The following TAF6 variants were observed in gnomAD, a reference collection of about 807,000 sequenced individuals.
TAF6 encodes the protein TATA-box binding protein associated factor 6.
A neutral mutation model predicts 73.5 loss-of-function variants in TAF6; 50 were observed. That is an observed-to-expected ratio of 0.68 (90% CI 0.54 to 0.86). TAF6 has a LOEUF of 0.86. Ranked by LOEUF, TAF6 falls within the 40% of genes least tolerant of loss-of-function variation. The pLI is 0.00. For synonymous variants in TAF6, 424 were observed against 376.7 expected (o/e 1.13, Z -1.45); for missense variants, 768 against 899.5 (o/e 0.85, Z 1.87).
rs1467702767 is a variant in TAF6, at chr7:100,112,881, G to T, written c.491C>A (p.Pro164His). 1 of 1,613,800 alleles carries T rather than the reference G, an allele frequency of 6.2e-7. No individual in the cohort carries two copies. Among genetic ancestry groups the T allele is most frequent in the East Asian group, 2.2e-5 (1 of 44,860 alleles). Reference protein sequence around the residue: ...KEQQKAEATEPLKSAKPGQEE... With the variant: ...KEQQKAEATEHLKSAKPGQEE... ...CTGGCCTGGCTTGGCTGACTTCAGGGGTTCTGTGGCTTCAGCCTTCTGTTG... is the reference window on the plus strand; with the variant it reads ...CTGGCCTGGCTTGGCTGACTTCAGGTGTTCTGTGGCTTCAGCCTTCTGTTG... The change falls in exon 6 of 15, where the codon CCC becomes CAC. Residue 164 changes from proline to histidine, a missense_variant. Coordinates refer to ENST00000453269, the MANE Select transcript of TAF6 (RefSeq NM_139315.3).
At chr7:100,113,169 G>A (rs1016984799) in intron 5 of TAF6, among the ~76,000 whole-genome samples, 180 bp downstream of exon 5, 2 of 152,256 alleles carry the variant, frequency 1.3e-5, no homozygotes, top group South Asian at 2.1e-4. Context: ...AGGAGGCTGA[G>A]ACACAAGAAT....
intron 1 of TAF6, 122 bp from the exon 2 acceptor site, chr7:100,114,390 A>C: frequency 1.0e-6 from 1 of 1,000,810 alleles, no homozygotes; most frequent in Non-Finnish European, 1.5e-6. Context: ...TCCCCACGTG[A>C]GTCAGCCCTG....
At position 100,107,269 on chromosome 7, in the gene TAF6, C is replaced by T. The variant is rs146348021; in HGVS notation, c.2011G>A (p.Gly671Ser). The T allele has an allele frequency of 4.1e-3, 6,201 of 1,523,096 alleles. 21 individuals carry two copies. Among genetic ancestry groups the T allele is most frequent in the Middle Eastern group, 0.013 (59 of 4,710 alleles). 94.3% of individuals were successfully genotyped at this position (1,523,096 alleles called of 1,614,324 possible). A position where few individuals can be genotyped will look rare whatever the true frequency, so the allele number is the denominator to read the frequency against. ...CATCACGGAGCAGGCTGAGGGGAGC[C>T]GGAGTTGGGCTGGGAGCCATTGGCT... ...PKANGSQPNS[G>S]SPQPAP Residue 671 changes from glycine (G) to serine (S), a missense_variant, in exon 15 of 15, where the codon GGC becomes AGC. Gly to Ser is a moderately conservative substitution (Grantham distance 56). Around this residue, in one of 5 missense-constraint regions of TAF6, gnomAD observed 350 missense variants for 352.3 expected, o/e 0.99. Transcript: ENST00000453269.
chr7:100,119,193 A>T lies in TAF6; in HGVS notation c.-60+11T>A. ...ACACGGGGTCCCCACGAGCACAGACACACAACCAACCGTCCTCTTTCCAGT... is the reference window on the plus strand; with the variant it reads ...ACACGGGGTCCCCACGAGCACAGACTCACAACCAACCGTCCTCTTTCCAGT... On this transcript the variant is annotated intron_variant, in intron 1 of 14. Coordinates refer to ENST00000453269, the MANE Select transcript of TAF6 (RefSeq NM_139315.3). 1 of 989,994 alleles carries T rather than the reference A, an allele frequency of 1.0e-6. No homozygotes were observed. The highest frequency in any genetic ancestry group is 1.2e-6 in the Non-Finnish European group (1 of 832,386). The allele number at this position is 989,994 out of a possible 1,614,324, so 61.3% of individuals were successfully genotyped here. A position where few individuals can be genotyped will look rare whatever the true frequency, so the allele number is the denominator to read the frequency against.
rs1265325000 is a variant in TAF6 at position 100,107,478 on chromosome 7, C to G, written c.1802G>C (p.Gly601Ala). ...APPSTAPSGP[G>A]SVQKYIVVSL... ...GACCACGATGTACTTCTGGACACTC[C>G]CAGGACCAGAGGGAGCAGTGCTGGG... Residue 601 changes from glycine to alanine, a missense_variant, in exon 15 of 15, where the codon GGG (glycine) becomes GCG (alanine). Transcript: ENST00000453269. 1 of 1,613,968 alleles carries G rather than the reference C, an allele frequency of 6.2e-7. No homozygotes were observed. Among genetic ancestry groups the G allele is most frequent in the Non-Finnish European group, 8.5e-7 (1 of 1,179,932 alleles).
At chr7:100,109,345 AAAAG>A (rs968993443) in intron 12 of TAF6, among the ~76,000 whole-genome samples, 5 of 152,002 alleles carry the variant, frequency 3.3e-5, no homozygotes, top group African/African-American at 4.8e-5. Context: ...AAAGAAAAGA[AAAAG>A]AAAACATGGG....
the TAF6 span, chr7:100,124,893 T>C: frequency 3.2e-6 from 5 of 1,579,852 alleles, no homozygotes; most frequent in African/African-American, 6.8e-5. Flanking sequence ...CTTTGACCCT[T>C]GCCTTTGAGC....
chr7:100,113,442 C>G (rs138856474), intron 4 of TAF6, 37 bp from the exon 5 acceptor site: 2 of 1,550,868 alleles, frequency 1.3e-6, no homozygotes, highest in East Asian at 4.5e-5. Flanking sequence ...AATTGCCACG[C>G]ATGGACATTG....
intron 4 of TAF6, 85 bp from the exon 5 acceptor site, chr7:100,113,490 C>T (rs1776581351): frequency 6.5e-7 from 1 of 1,533,028 alleles, no homozygotes. Flanking sequence ...GTTTCCACTC[C>T]TGCTCCCCTT....
At chr7:100,122,752 G>C, upstream of TAF6, 1 of 1,602,050 alleles carries the variant, frequency 6.2e-7, no homozygotes, top group Non-Finnish European at 8.5e-7. Flanking sequence ...GGGGTGGTGA[G>C]CTGGGCTGAT....
chr7:100,121,112 ATATATTTTTTTTTTTTTTTTTT>A (rs1376803491), upstream of TAF6: 3 of 30,716 alleles, frequency 9.8e-5, no homozygotes, highest in Non-Finnish European at 1.8e-4. Context: ...ATATATATAT[ATATATTTTTTTTTTTTTTTTTT>A]TTTTTTTTTT....
intron 1 of TAF6, among the ~76,000 whole-genome samples, chr7:100,116,973 C>T (rs1040452497): frequency 2.0e-5 from 3 of 152,114 alleles, no homozygotes; most frequent in Non-Finnish European, 2.9e-5. Flanking sequence ...TTGGGCATGG[C>T]GCAGTGGCTC....
In TAF6 at chr7:100,111,791, G is replaced by A. The variant is rs754065522; in HGVS notation, c.837C>T (p.Leu279=). 8.1e-6 allele frequency: 13 copies of A among 1,614,098 alleles called. No homozygotes were observed. The highest frequency in any genetic ancestry group is 2.2e-5 in the East Asian group (1 of 44,904). Residue 279 remains leucine, a synonymous_variant, in exon 9 of 15, where the codon CTC becomes CTT. Coordinates refer to ENST00000453269, the MANE Select transcript of TAF6 (RefSeq NM_139315.3). The part of the protein sequence containing the change: ...VNVVQNNLAL[L]IYLMRMVKAL... ...CTTTCACCATACGCATCAGGTAGAT[G>A]AGTAGGGCCAGGTTGTTCTGAACCA...
intron 1 of TAF6, chr7:100,114,563 T>C (rs1188949673): frequency 3.4e-6 from 2 of 585,534 alleles, no homozygotes; most frequent in Non-Finnish European, 6.1e-6. Context: ...CTACTAAAAA[T>C]ACAAAAATTA....
Position 100,113,899 on chromosome 7 carries a change from A to C in TAF6, c.212T>G (p.Ile71Ser). 1 of 1,613,940 alleles carries C rather than the reference A, an allele frequency of 6.2e-7. No individual in the cohort carries two copies. Among genetic ancestry groups the C allele is most frequent in the Non-Finnish European group, 8.5e-7 (1 of 1,180,004 alleles). Residue 71 changes from isoleucine to serine, a missense_variant, in exon 3 of 15, where the codon ATT becomes AGT. By Grantham distance (142) the Ile-to-Ser change is moderately radical. Transcript: ENST00000453269. ...ATTCTTTAGCTTCAAGGCGTAGTCA[A>C]TGTCACTGGTGGTGAGCTTCTGCCG... ...GKRQKLTTSD[I>S]DYALKLKNVE... is the part of the protein sequence containing the mutation.
At chr7:100,112,576 G>A (rs1340979366) in intron 6 of TAF6, among the ~76,000 whole-genome samples, 5 of 152,144 alleles carry the variant, frequency 3.3e-5, no homozygotes, top group African/African-American at 7.2e-5. Context: ...TTAGCCGGGC[G>A]TGGTGGTGGG....
chr7:100,112,379 C>A, intron 6 of TAF6, 126 bp from the exon 7 acceptor site: 1 of 1,340,736 alleles, frequency 7.5e-7, no homozygotes, highest in East Asian at 2.4e-5. Context: ...CTCCCCCATC[C>A]TTTCTGGGGC....
At chr7:100,116,776 C>T (rs1273048615) in intron 1 of TAF6, 3 of 152,212 alleles carry the variant, frequency 2.0e-5, no homozygotes, top group Non-Finnish European at 4.4e-5. Context: ...ACATACATTC[C>T]TTCTGGCTGC....
the TAF6 span, among the ~76,000 whole-genome samples, chr7:100,125,833 T>C: frequency 3.5e-3 from 535 of 151,536 alleles, 2 homozygotes; most frequent in African/African-American, 0.012. Context: ...CACCTGAGTG[T>C]AGGAGTTCGA....
Sources: allele counts gnomAD v4.1 joint callset (sites outside exome capture counted in the v4.1 genomes callset), GRCh38; gene constraint gnomAD v4.1.1; regional missense constraint gnomAD v4.1.1; transcripts MANE v1.5; gene names NCBI Gene and HGNC (gene_info 2026-07-23, HGNC 2026-07-21).